Variants in DGKG observed in about 807,000 individuals in gnomAD.
The protein encoded by DGKG is diacylglycerol kinase gamma, also known as DAG kinase gamma.
DGKG carries 78 observed loss-of-function variants against 105.3 expected under a neutral mutation model. The observed-to-expected ratio is 0.74, with a 90% CI of 0.62 to 0.89. The LOEUF is 0.89. Among genes scored for constraint, DGKG ranks in the 40% least tolerant of loss-of-function variants. DGKG has a pLI of 0.00. For synonymous variants in DGKG, 346 were observed against 367.1 expected, an observed-to-expected ratio of 0.94 and a Z score of 0.66; for missense variants, 958 against 1,020.1, an observed-to-expected ratio of 0.94 and a Z score of 0.83.
chr3:186,262,764 G>A (rs1319659960), intron 14 of DGKG, among the ~76,000 whole-genome samples: 1 of 152,122 alleles, frequency 6.6e-6, no homozygotes, highest in Non-Finnish European at 1.5e-5. Flanking sequence ...TCCCACCCAT[G>A]GGTCTGCTCG....
intron 22 of DGKG, among the ~76,000 whole-genome samples, chr3:186,185,384 T>G (rs1332906559): frequency 6.6e-6 from 1 of 151,802 alleles, no homozygotes. Flanking sequence ...GGGAAGAGAG[T>G]TCCTGTACAT....
intron 5 of DGKG, among the ~76,000 whole-genome samples, chr3:186,297,062 T>A (rs1256229696): frequency 4.7e-3 from 127 of 26,806 alleles, no homozygotes; most frequent in Admixed American, 9.0e-3. Flanking sequence ...TGTCTGTCTG[T>A]CTCTCTCACA....
At position 186,253,280 on chromosome 3, in the gene DGKG, T is replaced by C. The variant is rs1213045792; in HGVS notation, c.1511-98A>G. ...CTGATCTGATGCTTGAACCCCTCCA[T>C]AGCATTCTTTGTTTGAATACCACCC... On this transcript the variant is annotated intron_variant, in intron 17 of 24. Transcript: ENST00000265022. 6.5e-6 allele frequency: 6 copies of C among 928,732 alleles called. No homozygotes were observed. In the African/African-American group the frequency reaches 9.7e-5, roughly 15 times the overall value. 57.5% of individuals were successfully genotyped at this position (928,732 alleles called of 1,614,324 possible).
At chr3:186,261,854 C>T (rs1251308137) in intron 14 of DGKG, 76 bp from the exon 15 acceptor site, 1 of 960,014 alleles carries the variant, frequency 1.0e-6, no homozygotes, top group South Asian at 1.7e-5. Context: ...GAAGCCAAGA[C>T]AGCTTCGGAG....
In DGKG at chr3:186,148,523, GCAA is replaced by G; in HGVS notation, c.*1564_*1566del. The G allele has an allele frequency of 1.0e-6, 1 of 985,338 alleles. No individual in the cohort carries two copies. Among genetic ancestry groups the G allele is most frequent in the Non-Finnish European group, 1.2e-6 (1 of 829,926 alleles). 61.0% of individuals were successfully genotyped at this position (985,338 alleles called of 1,614,324 possible). A position where few individuals can be genotyped will look rare whatever the true frequency, so the allele number is the denominator to read the frequency against. ...TGTGCTGTACGTTTGTTCCTCCCTGGCAACCTGGATCCAAGTGGACTCACTTTT... is the reference window on the plus strand; with the variant it reads ...TGTGCTGTACGTTTGTTCCTCCCTGGCCTGGATCCAAGTGGACTCACTTTT... On this transcript the variant is annotated 3_prime_UTR_variant, in exon 25 of 25. Coordinates refer to ENST00000265022, the MANE Select transcript of DGKG (RefSeq NM_001346.3).
At chr3:186,161,516 G>A in intron 24 of DGKG, 87 bp downstream of exon 24, 1 of 1,601,880 alleles carries the variant, frequency 6.2e-7, no homozygotes, top group Non-Finnish European at 8.5e-7. Context: ...GTGACTCTGA[G>A]ATTCAGTGAT....
intron 13 of DGKG, among the ~76,000 whole-genome samples, chr3:186,265,638 A>T (rs1366577303): frequency 6.9e-6 from 1 of 144,480 alleles, no homozygotes; most frequent in Non-Finnish European, 1.5e-5. Flanking sequence ...AGACTTGGCG[A>T]CTTGGCTTTT....
intron 20 of DGKG, among the ~76,000 whole-genome samples, chr3:186,225,920 G>T (rs1276566166): frequency 6.6e-6 from 1 of 152,206 alleles, no homozygotes; most frequent in Non-Finnish European, 1.5e-5. Context: ...GGGCTGACCA[G>T]CTGCAGCAGG....
Position 186,148,572 on chromosome 3 carries a change from A to G in DGKG, c.*1518T>C. The G allele has an allele frequency of 2.0e-6, 2 of 985,170 alleles. No homozygotes were observed. The highest frequency in any genetic ancestry group is 4.7e-5 in the South Asian group (1 of 21,266). 61.0% of individuals were successfully genotyped at this position (985,170 alleles called of 1,614,324 possible). On this transcript the variant is annotated 3_prime_UTR_variant, in exon 25 of 25. Coordinates refer to ENST00000265022, the MANE Select transcript of DGKG (RefSeq NM_001346.3). ...CTTTTCAGTGACCAGAAATGACCCT[A>G]CTCTGAGATGTGTGGGTTCTTTTCT...
chr3:186,224,941 T>C (rs1170379392), intron 20 of DGKG, among the ~76,000 whole-genome samples: 1 of 152,172 alleles, frequency 6.6e-6, no homozygotes, highest in Non-Finnish European at 1.5e-5. Context: ...GCAGAGACTA[T>C]ACTTTTAATT....
At chr3:186,283,192 G>C (rs1275303619) in intron 7 of DGKG, among the ~76,000 whole-genome samples, 4 of 151,976 alleles carry the variant, frequency 2.6e-5, no homozygotes, top group African/African-American at 7.3e-5. Context: ...AGAGTCACTC[G>C]CCTGGCCAAA....
rs1578705695 is a variant in DGKG at position 186,236,674 on chromosome 3, T to C, written c.1826+5830A>G. Among the ~76,000 whole-genome samples, 9 of 152,350 alleles carry C rather than the reference T, an allele frequency of 5.9e-5. No homozygotes were observed. In the South Asian group the frequency reaches 1.9e-3, roughly 32 times the overall value. On this transcript the variant is annotated intron_variant, in intron 20 of 24. Coordinates refer to ENST00000265022, the MANE Select transcript of DGKG (RefSeq NM_001346.3). Reference sequence around the variant, plus strand: ...GGGCTTCTGGGGAGCCCCTCATCAGTGACTCCATGGGACCTGCTCCAAGAA... The same window carrying C: ...GGGCTTCTGGGGAGCCCCTCATCAGCGACTCCATGGGACCTGCTCCAAGAA...
In DGKG at chr3:186,324,698, G is replaced by C. The variant is rs190553269; in HGVS notation, c.-248-3991C>G. ...ATTAAAAAGACAAAAACAGATACTG[G>C]TGAGGCTTTGGAGAAAAGGGAATGC... On this transcript the variant is annotated intron_variant, in intron 1 of 24. Coordinates refer to ENST00000265022, the MANE Select transcript of DGKG (RefSeq NM_001346.3). Among the ~76,000 whole-genome samples, 395 of 152,320 alleles carry C rather than the reference G, an allele frequency of 2.6e-3. 3 individuals are homozygous for C. Among genetic ancestry groups the C allele is most frequent in the African/African-American group, 8.0e-3 (331 of 41,574 alleles).
In DGKG at chr3:186,165,037, A is replaced by AAAGTAGTG; in HGVS notation, c.2096-27_2096-20dup. ...CTGAGGTCTGCAGAGCGAGACAGCA[A>AAAGTAGTG]AAGTAGTGCATACACATCTCTGTGT... is the stretch of plus-strand genomic sequence containing the variant. On this transcript the variant is annotated intron_variant, in intron 22 of 24. Coordinates refer to ENST00000265022, the MANE Select transcript of DGKG (RefSeq NM_001346.3). 6.2e-7 allele frequency: 1 copy of AAAGTAGTG among 1,607,666 alleles called. No individual in the cohort carries two copies. Among genetic ancestry groups the AAAGTAGTG allele is most frequent in the Non-Finnish European group, 8.5e-7 (1 of 1,177,494 alleles).
intron 3 of DGKG, among the ~76,000 whole-genome samples, chr3:186,299,840 T>TCTC (rs1553815789): frequency 4.5e-4 from 36 of 80,710 alleles, no homozygotes; most frequent in Non-Finnish European, 4.6e-4. Context: ...TTTCTTTCTT[T>TCTC]TTTTTTTTTT....
chr3:186,296,585 C>T (rs1723573343), intron 5 of DGKG, among the ~76,000 whole-genome samples: 1 of 152,204 alleles, frequency 6.6e-6, no homozygotes, highest in Non-Finnish European at 1.5e-5. Context: ...CAACAGTGGG[C>T]CTATGGGCAG....
At chr3:186,262,152 C>A (rs978099544) in intron 14 of DGKG, among the ~76,000 whole-genome samples, 4 of 152,136 alleles carry the variant, frequency 2.6e-5, no homozygotes, top group Non-Finnish European at 5.9e-5. Context: ...AGTGAAATAG[C>A]ACTCGTGGAG....
In DGKG at chr3:186,273,443, C is replaced by T. The variant is rs140773725; in HGVS notation, c.911-1100G>A. Reference sequence around the variant, plus strand: ...AGGCTGGAGTGCAGTGATGCAATCTCGGCTCACCGCAACCTCCGACTCCCT... The same window carrying T: ...AGGCTGGAGTGCAGTGATGCAATCTTGGCTCACCGCAACCTCCGACTCCCT... On this transcript the variant is annotated intron_variant, in intron 10 of 24. Transcript: ENST00000265022. 3.3e-4 allele frequency among the ~76,000 whole-genome samples: 45 copies of T among 136,338 alleles called. No homozygotes were observed. The East Asian group carries it at 0.01, about 31-fold the overall frequency. The allele number at this position is 136,338 out of a possible 152,430, so 89.4% of individuals were successfully genotyped here.
At chr3:186,190,382 G>T (rs1381775766) in intron 21 of DGKG, among the ~76,000 whole-genome samples, 1 of 152,188 alleles carries the variant, frequency 6.6e-6, no homozygotes, top group Non-Finnish European at 1.5e-5. Context: ...GGGATCTAAT[G>T]GGGGCAGGTG....
Sources: gnomAD v4.1 joint callset for allele counts (sites outside exome capture counted in the v4.1 genomes callset) on GRCh38, gnomAD v4.1.1 for gene constraint, MANE v1.5 for transcripts, NCBI Gene and HGNC (gene_info 2026-07-23, HGNC 2026-07-21) for gene names.